The following CES4A variants were observed in gnomAD, a reference collection of about 807,000 sequenced individuals.
CES4A encodes the protein carboxylesterase 6.
A neutral mutation model predicts 65.4 loss-of-function variants in CES4A; 48 were observed. That is an observed-to-expected ratio of 0.73 (90% CI 0.58 to 0.93). CES4A has a LOEUF of 0.93. Among genes scored for constraint, CES4A ranks in the 40% least tolerant of loss-of-function variants. CES4A has a pLI of 0.00. For missense variants in CES4A, 685 were observed against 728.5 expected, an observed-to-expected ratio of 0.94 and a Z score of 0.69; for synonymous variants, 247 against 281.8, an observed-to-expected ratio of 0.88 and a Z score of 1.24.
At position 67,003,897 on chromosome 16, in the gene CES4A, A is replaced by T. The variant is rs1965542862; in HGVS notation, c.940-187A>T. ...AGATACCCGCGGCCATCCCAAGTCC[A>T]CGTAATTTGGTCCTGCCTATCCTGC... On this transcript the variant is annotated intron_variant, in intron 8 of 13. Coordinates refer to ENST00000648724, the Ensembl canonical transcript of CES4A. The surrounding 1 kb of genome is among the most constrained non-coding windows in gnomAD (Gnocchi z 4.2). 6.6e-6 allele frequency among the ~76,000 whole-genome samples: 1 copy of T among 152,124 alleles called. No individual in the cohort carries two copies. The highest frequency in any genetic ancestry group is 6.6e-5 in the Admixed American group (1 of 15,260).
chr16:66,994,486 C>T (rs544809143), intron 1 of CES4A, among the ~76,000 whole-genome samples: 1 of 149,104 alleles, frequency 6.7e-6, no homozygotes, highest in Admixed American at 6.7e-5. Context: ...GCTGGGATTA[C>T]AGGCGTGAGC....
chr16:67,009,016 C>A (rs2145682102), exon 14 of CES4A: 1 of 1,614,170 alleles, frequency 6.2e-7, no homozygotes, highest in African/African-American at 1.3e-5. Flanking sequence ...CACGCTACAA[C>A]AAGGATGAAA....
chr16:66,992,326 A>G (rs1016920265), intron 1 of CES4A, among the ~76,000 whole-genome samples: 6 of 152,236 alleles, frequency 3.9e-5, no homozygotes, highest in African/African-American at 7.2e-5. Context: ...CTTTTTGCCC[A>G]GATATTGCTT....
In CES4A at chr16:67,006,668, G is replaced by C. The variant is rs930715297; in HGVS notation, c.1445-77G>C. 7.1e-6 allele frequency: 11 copies of C among 1,544,972 alleles called. No individual in the cohort carries two copies. The African/African-American group carries it at 1.4e-4, about 19-fold the overall frequency. On this transcript the variant is annotated intron_variant, in intron 12 of 13. Coordinates refer to ENST00000648724, the Ensembl canonical transcript of CES4A. ...ATGAAAGTCTTCTGCTCCGGAAGCA[G>C]CAGAAGCAGCAGGAGTAGGGTGGGA...
intron 1 of CES4A, among the ~76,000 whole-genome samples, chr16:66,992,015 T>TA (rs1964431690): frequency 6.6e-6 from 1 of 152,228 alleles, no homozygotes; most frequent in Non-Finnish European, 1.5e-5. Flanking sequence ...GCACCCAGGC[T>TA]ATAATGAAGG....
chr16:66,995,278 C>T (rs995158005), intron 1 of CES4A, among the ~76,000 whole-genome samples: 2 of 151,748 alleles, frequency 1.3e-5, no homozygotes, highest in Non-Finnish European at 2.9e-5. Flanking sequence ...CCACTGCACT[C>T]CAGCCTGGGC....
At chr16:66,991,642 G>A (rs554625467) in intron 1 of CES4A, among the ~76,000 whole-genome samples, 5 of 152,302 alleles carry the variant, frequency 3.3e-5, no homozygotes, top group Admixed American at 3.3e-4. Context: ...ACATGGCTAG[G>A]TGCCCCTTGG....
intron 13 of CES4A, chr16:67,007,173 T>C: frequency 4.0e-6 from 1 of 251,012 alleles, no homozygotes; most frequent in Non-Finnish European, 7.7e-6. Context: ...AATTACAATC[T>C]GGTACGCTGA....
chr16:66,996,216 T>C (rs1424257296), intron 2 of CES4A: 9 of 360,854 alleles, frequency 2.5e-5, no homozygotes. Context: ...TTTGTATTTT[T>C]AGTAGAGACA....
At chr16:67,009,252 A>G in exon 14 of CES4A, 1 of 1,120,524 alleles carries the variant, frequency 8.9e-7, no homozygotes, top group Non-Finnish European at 1.3e-6. Flanking sequence ...ACCCCAGTTT[A>G]GAACTGCAGG....
chr16:67,005,350 C>T (rs770952961), exon 11 of CES4A: 4 of 1,614,160 alleles, frequency 2.5e-6, no homozygotes, highest in Non-Finnish European at 3.4e-6. Flanking sequence ...TTCAAGATGC[C>T]ACTTTCGTGT....
intron 9 of CES4A, 31 bp downstream of exon 9, chr16:67,004,255 C>G: frequency 6.2e-7 from 1 of 1,612,688 alleles, no homozygotes. Context: ...TTGGCTCTTG[C>G]CTTACGTAAG....
At chr16:67,009,919 T>C (rs544713956), downstream of CES4A, among the ~76,000 whole-genome samples, 1 of 152,246 alleles carries the variant, frequency 6.6e-6, no homozygotes, top group South Asian at 2.1e-4. Flanking sequence ...CTTCATGGTC[T>C]CAAGTGCACC....
chr16:66,994,513 C>A (rs953338998), intron 1 of CES4A, among the ~76,000 whole-genome samples: 1 of 150,722 alleles, frequency 6.6e-6, no homozygotes, highest in Admixed American at 6.6e-5. Context: ...GCGCAGCCGA[C>A]ATGAACTTTT....
rs1965494553 is a variant in CES4A at position 67,003,249 on chromosome 16, T to C, written c.796-7T>C. 2 of 1,613,906 alleles carry C rather than the reference T, an allele frequency of 1.2e-6. No individual in the cohort carries two copies. The highest frequency in any genetic ancestry group is 1.7e-6 in the Non-Finnish European group (2 of 1,179,794). ...GCACCACTGAGCATCCTTTCTTCTC[T>C]CTATAGAAGGTTGCCCACCTGGCTG... On this transcript the variant is annotated splice_region_variant and splice_polypyrimidine_tract_variant and intron_variant, in intron 6 of 13. Coordinates refer to ENST00000648724, the Ensembl canonical transcript of CES4A. This position sits in a 1 kb window ranked among gnomAD's most constrained non-coding sequence, Gnocchi z 4.2.
intron 2 of CES4A, 49 bp downstream of exon 2, chr16:66,995,878 T>C (rs1400376786): frequency 1.3e-6 from 2 of 1,523,492 alleles, no homozygotes; most frequent in East Asian, 2.2e-5. Context: ...GGCCTATGCC[T>C]GCATCTGGGT....
chr16:66,988,811 G>C, exon 1 of CES4A: 1 of 1,569,190 alleles, frequency 6.4e-7, no homozygotes. Context: ...CCCTCTGCCT[G>C]ATGGCGCAGA....
chr16:67,001,017 C>G lies in CES4A; in HGVS notation c.536+27C>G. 1 of 1,538,822 alleles carries G rather than the reference C, an allele frequency of 6.5e-7. No homozygotes were observed. The highest frequency in any genetic ancestry group is 1.1e-5 in the South Asian group (1 of 89,734). ...TGGCGGGGCCGGTACCCTTTGGGAC[C>G]GCAGCTGTGGCCAGAGCGGCGGGGA... is the stretch of plus-strand genomic sequence containing the variant. On this transcript the variant is annotated intron_variant, in intron 4 of 13. Transcript: ENST00000648724. This position sits in a 1 kb window ranked among gnomAD's most constrained non-coding sequence, Gnocchi z 4.1.
intron 12 of CES4A, 108 bp downstream of exon 12, chr16:67,006,627 T>A (rs1965781332): frequency 2.0e-6 from 3 of 1,536,112 alleles, no homozygotes; most frequent in Non-Finnish European, 2.7e-6. Context: ...GTTCCTAATC[T>A]GTTATGCTCT....
Sources: gnomAD v4.1 joint callset for allele counts (sites outside exome capture counted in the v4.1 genomes callset) on GRCh38, gnomAD v4.1.1 for gene constraint, Gnocchi (gnomAD v3.1) non-coding constraint, MANE v1.5 for transcripts, NCBI Gene and HGNC (gene_info 2026-07-23, HGNC 2026-07-21) for gene names.